EYS: variants seen among roughly 807,000 people sequenced by gnomAD.
EYS encodes EGF-like photoreceptor maintenance factor.
A neutral mutation model predicts 282.1 loss-of-function variants in EYS; 250 were observed. The ratio of observed to expected loss-of-function variants is 0.89; its 90% CI spans 0.80 to 0.98. EYS has a LOEUF of 0.98. EYS is among the 50% of genes least tolerant of loss of function. The pLI is 0.00. For missense variants in EYS, 4,016 were observed against 3,709.0 expected (o/e 1.08, Z -2.15); for synonymous variants, 1,355 against 1,282.9 (o/e 1.06, Z -1.20).
chr6:65,348,401 T>C (rs964189670), intron 9 of EYS, among the ~76,000 whole-genome samples: 2 of 151,806 alleles, frequency 1.3e-5, no homozygotes, highest in African/African-American at 4.8e-5. Context: ...CATTTGTTAT[T>C]GCCTGTCCTT....
intron 28 of EYS, among the ~76,000 whole-genome samples, chr6:64,418,833 C>T (rs551463850): frequency 4.6e-5 from 7 of 152,022 alleles, no homozygotes; most frequent in South Asian, 2.1e-4. Context: ...ACTCTATTCC[C>T]GACTTTGGTT....
chr6:65,198,792 G>C (rs1475711223), intron 12 of EYS, among the ~76,000 whole-genome samples: 1 of 152,154 alleles, frequency 6.6e-6, no homozygotes, highest in African/African-American at 2.4e-5. Flanking sequence ...TGGTTGTTCA[G>C]ATTAGGTGGT....
chr6:64,754,938 C>T lies in EYS; in HGVS notation c.3443+58440G>A, dbSNP rs563201514. Among the ~76,000 whole-genome samples, 10 of 152,158 alleles carry T rather than the reference C, an allele frequency of 6.6e-5. No homozygotes were observed. The South Asian group carries it at 2.1e-3, about 32-fold the overall frequency. ...TTCAACACAATAATGGAAGTCTTTG[C>T]CAGATCAATCAGGCAAGAGAAAGAA... is the stretch of plus-strand genomic sequence containing the variant. On this transcript the variant is annotated intron_variant, in intron 22 of 42. Transcript: ENST00000503581.
intron 5 of EYS, among the ~76,000 whole-genome samples, chr6:65,424,936 A>G (rs754815629): frequency 1.3e-5 from 2 of 152,080 alleles, no homozygotes; most frequent in Non-Finnish European, 2.9e-5. Flanking sequence ...CAAATAATAA[A>G]TGAAGCTAGA....
intron 40 of EYS, among the ~76,000 whole-genome samples, chr6:63,763,971 C>T (rs1769719208): frequency 6.6e-6 from 1 of 150,484 alleles, no homozygotes; most frequent in Non-Finnish European, 1.5e-5. Flanking sequence ...CCCTCCCTCA[C>T]TCCCTGCCTG....
chr6:64,431,081 C>A (rs952567594), intron 28 of EYS, among the ~76,000 whole-genome samples: 1 of 152,002 alleles, frequency 6.6e-6, no homozygotes, highest in Non-Finnish European at 1.5e-5. Context: ...GGAGCAAAGA[C>A]CTTGACTTTA....
intron 12 of EYS, among the ~76,000 whole-genome samples, chr6:65,236,873 C>A (rs190859492): frequency 7.9e-5 from 12 of 152,240 alleles, no homozygotes; most frequent in Admixed American, 2.0e-4. Flanking sequence ...TAGATTAAAT[C>A]TCTCTTTATC....
chr6:64,778,696 CCAA>C (rs77588546), intron 22 of EYS, among the ~76,000 whole-genome samples: 2 of 152,078 alleles, frequency 1.3e-5, no homozygotes, highest in South Asian at 2.1e-4. Flanking sequence ...AAAACCACCA[CCAA>C]CAACAACAAA....
chr6:65,138,635 A>T (rs1776090006), intron 12 of EYS, among the ~76,000 whole-genome samples: 1 of 152,050 alleles, frequency 6.6e-6, no homozygotes, highest in African/African-American at 2.4e-5. Context: ...TTTTCTTTAT[A>T]CTTTATATAT....
chr6:65,115,221 A>T (rs7754267), intron 12 of EYS, among the ~76,000 whole-genome samples: 1 of 151,874 alleles, frequency 6.6e-6, no homozygotes, highest in Non-Finnish European at 1.5e-5. Flanking sequence ...TTATGAAATG[A>T]ATTTCTATCA....
At chr6:64,898,386 T>C (rs1197993250) in intron 18 of EYS, among the ~76,000 whole-genome samples, 2 of 152,002 alleles carry the variant, frequency 1.3e-5, no homozygotes, top group Non-Finnish European at 2.9e-5. Context: ...TAAAATCCAT[T>C]ACAGCCAAGA....
At chr6:64,886,614 C>T in intron 19 of EYS, 83 bp downstream of exon 19, 2 of 1,136,296 alleles carry the variant, frequency 1.8e-6, no homozygotes, top group South Asian at 4.7e-5. Context: ...CAGATTATTT[C>T]AGGTTTTGGA....
chr6:64,445,282 T>G (rs1395616082), intron 26 of EYS, among the ~76,000 whole-genome samples: 7 of 152,130 alleles, frequency 4.6e-5, no homozygotes, highest in Non-Finnish European at 8.8e-5. Flanking sequence ...AAGCACAGAA[T>G]AGCTTTGTGA....
chr6:65,597,632 A>G (rs1765455244), intron 2 of EYS, among the ~76,000 whole-genome samples: 1 of 152,140 alleles, frequency 6.6e-6, no homozygotes, highest in African/African-American at 2.4e-5. Flanking sequence ...AGGTCACTTC[A>G]GAAGTCTGGA....
At chr6:64,490,849 T>C (rs566642048) in intron 26 of EYS, among the ~76,000 whole-genome samples, 2 of 150,886 alleles carry the variant, frequency 1.3e-5, no homozygotes, top group East Asian at 1.9e-4. Flanking sequence ...ATATAAAGCA[T>C]CAGTTTTTAC....
rs569401000 is a variant in EYS, at chr6:63,863,087, C to A, written c.7228+1099G>T. On this transcript the variant is annotated intron_variant, in intron 36 of 42. Coordinates refer to ENST00000503581, the MANE Select transcript of EYS (RefSeq NM_001142800.2). ...TTTGCTTCATTTTGTGATTCTGGGG[C>A]AGAGGGCCCTGAGTTCACTTTGGTA... Among the ~76,000 whole-genome samples the A allele has an allele frequency of 7.5e-4, 114 of 152,324 alleles. No homozygotes were observed. In the Middle Eastern group the frequency reaches 0.014, roughly 18 times the overall value.
At chr6:65,665,208 A>G (rs567792045) in intron 1 of EYS, among the ~76,000 whole-genome samples, 1 of 152,286 alleles carries the variant, frequency 6.6e-6, no homozygotes, top group Non-Finnish European at 1.5e-5. Flanking sequence ...AATATCGAAA[A>G]TCCATAAGAA....
At chr6:65,559,510 T>C (rs1303591007) in intron 2 of EYS, among the ~76,000 whole-genome samples, 1 of 152,172 alleles carries the variant, frequency 6.6e-6, no homozygotes, top group Non-Finnish European at 1.5e-5. Flanking sequence ...CTCCCCAAGA[T>C]TAGGCTGTAA....
rs550292669 is a variant in EYS, at chr6:64,344,364, C to A, written c.6079-37282G>T. On this transcript the variant is annotated intron_variant, in intron 29 of 42. Coordinates refer to ENST00000503581, the MANE Select transcript of EYS (RefSeq NM_001142800.2). ...CATCAAAAAGCTTATCCACCATGATCAAGTGGGCTTCATCCCTGGGATGCA... is the reference window on the plus strand; with the variant it reads ...CATCAAAAAGCTTATCCACCATGATAAAGTGGGCTTCATCCCTGGGATGCA... 2.0e-5 allele frequency among the ~76,000 whole-genome samples: 3 copies of A among 151,956 alleles called. No individual in the cohort carries two copies. In the South Asian group the frequency reaches 6.2e-4, roughly 32 times the overall value.
Sources: gnomAD v4.1 joint callset for allele counts (sites outside exome capture counted in the v4.1 genomes callset) on GRCh38, gnomAD v4.1.1 for gene constraint, MANE v1.5 for transcripts, NCBI Gene and HGNC (gene_info 2026-07-23, HGNC 2026-07-21) for gene names.